Variants in GOLM1 observed in about 807,000 individuals in gnomAD.
The protein encoded by GOLM1 is epididymis luminal protein 46.
GOLM1 carries 31 observed loss-of-function variants against 50.5 expected under a neutral mutation model. The observed-to-expected ratio is 0.61, with a 90% confidence interval of 0.46 to 0.83. The LOEUF is 0.83. GOLM1 is among the 40% of genes least tolerant of loss of function. GOLM1 has a pLI of 0.00. For synonymous variants in GOLM1, 178 were observed against 192.8 expected (o/e 0.92, Z 0.64); for missense variants, 491 against 501.3 (o/e 0.98, Z 0.20).
In GOLM1 at chr9:86,026,358, A is replaced by G; in HGVS notation, c.*1459T>C. 5 of 985,324 alleles carry G rather than the reference A, an allele frequency of 5.1e-6. No individual in the cohort carries two copies. The highest frequency in any genetic ancestry group is 6.0e-6 in the Non-Finnish European group (5 of 829,862). The allele number at this position is 985,324 out of a possible 1,614,324, so 61.0% of individuals were successfully genotyped here. A position where few individuals can be genotyped will look rare whatever the true frequency, so the allele number is the denominator to read the frequency against. ...TGGGTGGGAAAGTTTAACCTTAGTG[A>G]CTAAGGACATCACATATGAAGAATG... is the stretch of plus-strand genomic sequence containing the variant. On this transcript the variant is annotated 3_prime_UTR_variant, in exon 10 of 10. Transcript: ENST00000388712.
intron 4 of GOLM1, among the ~76,000 whole-genome samples, chr9:86,049,414 A>G (rs1587708072): frequency 1.3e-5 from 2 of 152,336 alleles, no homozygotes; most frequent in Admixed American, 1.3e-4. Flanking sequence ...GAAGAAAGGC[A>G]TTGGTAGCTT....
At position 86,033,068 on chromosome 9, in the gene GOLM1, G is replaced by A. The variant is rs7849494; in HGVS notation, c.1129+214C>T. Among the ~76,000 whole-genome samples, 497 of 152,308 alleles carry A rather than the reference G, an allele frequency of 3.3e-3. 1 individual carries two copies. The highest frequency in any genetic ancestry group is 0.011 in the African/African-American group (449 of 41,578). ...CACTGAATATGTTTCTAGAAACGAT[G>A]CAGACTTTCCGAATGGTTTTCATCA... On this transcript the variant is annotated intron_variant, in intron 9 of 9. Coordinates refer to ENST00000388712, the MANE Select transcript of GOLM1 (RefSeq NM_016548.4).
At chr9:86,065,986 G>A (rs1455369523) in intron 3 of GOLM1, among the ~76,000 whole-genome samples, 1 of 152,180 alleles carries the variant, frequency 6.6e-6, no homozygotes, top group Non-Finnish European at 1.5e-5. Context: ...GTTGCAGTGA[G>A]CCAAGATTAC....
rs1427681612 is a variant in GOLM1, at chr9:86,082,301, C to G, written c.-21-2960G>C. 2.0e-5 allele frequency among the ~76,000 whole-genome samples: 3 copies of G among 152,056 alleles called. No individual in the cohort carries two copies. In the East Asian group the frequency reaches 5.8e-4, roughly 30 times the overall value. On this transcript the variant is annotated intron_variant, in intron 1 of 9. Transcript: ENST00000388712. ...TCGGCCTCCCAAAGTGCTGGGATTA[C>G]AGGCATGAGCCACCGTGCCCAGCCT...
intron 3 of GOLM1, among the ~76,000 whole-genome samples, chr9:86,066,940 C>CTAT (rs1227538044): frequency 2.7e-5 from 4 of 150,308 alleles, no homozygotes; most frequent in African/African-American, 4.9e-5. Context: ...ATTATTATTA[C>CTAT]TATTATTATT....
chr9:86,053,631 A>G (rs1284334666), intron 3 of GOLM1, among the ~76,000 whole-genome samples: 2 of 1,490 alleles, frequency 1.3e-3, no homozygotes, highest in African/African-American at 2.2e-3. Context: ...AAACATCACT[A>G]CAAAACACAC....
At chr9:86,079,762 C>G (rs1834733331) in intron 1 of GOLM1, 2 of 155,736 alleles carry the variant, frequency 1.3e-5, no homozygotes, top group South Asian at 4.1e-4. Context: ...ACACCAATAA[C>G]AAATATTAAG....
chr9:86,034,680 T>C (rs558742037), intron 8 of GOLM1, among the ~76,000 whole-genome samples: 1 of 152,308 alleles, frequency 6.6e-6, no homozygotes, highest in South Asian at 2.1e-4. Flanking sequence ...TAGATTTAAA[T>C]GGAATCAAGG....
At chr9:86,039,727 G>A (rs775138100) in intron 6 of GOLM1, among the ~76,000 whole-genome samples, 9 of 152,144 alleles carry the variant, frequency 5.9e-5, no homozygotes, top group Non-Finnish European at 1.3e-4. Context: ...CAGCACTTTG[G>A]GAGGCCGAGG....
At chr9:86,064,547 C>T (rs1031406076) in intron 3 of GOLM1, among the ~76,000 whole-genome samples, 1 of 152,204 alleles carries the variant, frequency 6.6e-6, no homozygotes, top group Non-Finnish European at 1.5e-5. Flanking sequence ...CTCTGCCCTG[C>T]TCCCCACCCA....
At chr9:86,088,693 C>T (rs1035919207) in intron 1 of GOLM1, among the ~76,000 whole-genome samples, 11 of 150,834 alleles carry the variant, frequency 7.3e-5, no homozygotes, top group African/African-American at 2.7e-4. Flanking sequence ...ATACAGCATA[C>T]CTATGGGTCT....
At chr9:86,032,972 G>A (rs922128202) in intron 9 of GOLM1, among the ~76,000 whole-genome samples, 6 of 152,234 alleles carry the variant, frequency 3.9e-5, no homozygotes, top group African/African-American at 1.4e-4. Flanking sequence ...TGATCAAGTA[G>A]TGACCTAGCC....
chr9:86,093,789 C>T (rs568523463), intron 1 of GOLM1, among the ~76,000 whole-genome samples: 41 of 152,286 alleles, frequency 2.7e-4, no homozygotes, highest in African/African-American at 9.1e-4. Flanking sequence ...CTTGACCCTC[C>T]TAGTCAAATA....
At chr9:86,062,599 G>A (rs1305237529) in intron 3 of GOLM1, among the ~76,000 whole-genome samples, 1 of 151,210 alleles carries the variant, frequency 6.6e-6, no homozygotes, top group Non-Finnish European at 1.5e-5. Flanking sequence ...AGGGTCTGGA[G>A]GGGAGGAGGG....
Position 86,036,419 on chromosome 9 carries a change from C to T in GOLM1, c.686G>A (p.Gly229Asp). Residue 229 changes from glycine (G) to aspartate (D), a missense_variant, in exon 7 of 10, where the codon GGT becomes GAT. Gly to Asp is a moderately conservative substitution (Grantham distance 94). Coordinates refer to ENST00000388712, the MANE Select transcript of GOLM1 (RefSeq NM_016548.4). ...EVPQGKGNVL[G>D]NSKSQTPAPS... ...GGCTGGTGTCTGGGACTTGCTGTTA[C>T]CAAGCACGTTTCCCTTCCCTTGTGG... 1 of 1,614,164 alleles carries T rather than the reference C, an allele frequency of 6.2e-7. No individual in the cohort carries two copies. Among genetic ancestry groups the T allele is most frequent in the Non-Finnish European group, 8.5e-7 (1 of 1,180,024 alleles).
chr9:86,029,426 A>G (rs1055112777), intron 9 of GOLM1, among the ~76,000 whole-genome samples: 1 of 152,062 alleles, frequency 6.6e-6, no homozygotes, highest in African/African-American at 2.4e-5. Context: ...TGTGACTCCA[A>G]AGCTCTCCCT....
intron 3 of GOLM1, among the ~76,000 whole-genome samples, chr9:86,067,477 A>G (rs972095844): frequency 6.6e-6 from 1 of 152,254 alleles, no homozygotes; most frequent in South Asian, 2.1e-4. Context: ...TATGCACACG[A>G]ATGTGGTAGT....
At chr9:86,029,600 G>C (rs1012566352) in intron 9 of GOLM1, among the ~76,000 whole-genome samples, 2 of 150,308 alleles carry the variant, frequency 1.3e-5, no homozygotes, top group African/African-American at 4.9e-5. Flanking sequence ...TTAAATACCT[G>C]CCATATTAAA....
chr9:86,089,739 T>G (rs1835112848), intron 1 of GOLM1, among the ~76,000 whole-genome samples: 1 of 152,172 alleles, frequency 6.6e-6, no homozygotes, highest in Non-Finnish European at 1.5e-5. Context: ...TTACCCACCT[T>G]CTGAAGCCTA....
Sources: gnomAD v4.1 joint callset for allele counts (sites outside exome capture counted in the v4.1 genomes callset) on GRCh38, gnomAD v4.1.1 for gene constraint, MANE v1.5 for transcripts, NCBI Gene and HGNC (gene_info 2026-07-23, HGNC 2026-07-21) for gene names.